The following TSNARE1 variants were observed in gnomAD, a reference collection of about 807,000 sequenced individuals.
TSNARE1 encodes t-SNARE domain-containing protein 1.
TSNARE1 carries 49 observed loss-of-function variants against 62.0 expected under a neutral mutation model. The ratio of observed to expected loss-of-function variants is 0.79; its 90% CI spans 0.63 to 1.00. TSNARE1 has a LOEUF of 1.00. Ranked by LOEUF, TSNARE1 falls within the 50% of genes least tolerant of loss-of-function variation. The pLI is 0.00. For missense variants in TSNARE1, 755 were observed against 700.1 expected (o/e 1.08, Z -0.88); for synonymous variants, 328 against 294.4 (o/e 1.11, Z -1.17).
intron 12 of TSNARE1, among the ~76,000 whole-genome samples, chr8:142,265,721 T>A (rs1244429570): frequency 1.3e-5 from 2 of 152,244 alleles, no homozygotes; most frequent in Non-Finnish European, 2.9e-5. Flanking sequence ...CAGCAGTGCA[T>A]GAGCGAGCCA....
chr8:142,304,275 C>G (rs1312783014), intron 9 of TSNARE1, among the ~76,000 whole-genome samples: 1 of 152,184 alleles, frequency 6.6e-6, no homozygotes, highest in Non-Finnish European at 1.5e-5. Flanking sequence ...CCCAGCAACC[C>G]CAACGCCTCC....
intron 12 of TSNARE1, chr8:142,269,749 A>G: frequency 3.0e-6 from 3 of 985,396 alleles, no homozygotes; most frequent in Non-Finnish European, 3.6e-6. Context: ...CCAGGGTGGA[A>G]CCATCAGAGT....
chr8:142,267,464 C>T (rs182375855), intron 12 of TSNARE1, among the ~76,000 whole-genome samples: 14 of 152,268 alleles, frequency 9.2e-5, no homozygotes, highest in Admixed American at 5.2e-4. Context: ...TGCAGCACTG[C>T]GTAGGGAAAG....
intron 12 of TSNARE1, chr8:142,273,606 C>T: frequency 1.0e-6 from 1 of 985,354 alleles, no homozygotes; most frequent in Non-Finnish European, 1.2e-6. Context: ...AGGGACTGAC[C>T]CTTGGTGACC....
intron 9 of TSNARE1, 141 bp from the exon 10 acceptor site, chr8:142,300,785 G>A (rs1825606944): frequency 8.5e-6 from 7 of 825,086 alleles, no homozygotes; most frequent in Non-Finnish European, 1.2e-5. Context: ...TCTGAGGCGG[G>A]GGCCTTCTGC....
At chr8:142,220,029 A>G (rs1586752358) in intron 13 of TSNARE1, among the ~76,000 whole-genome samples, 1 of 152,186 alleles carries the variant, frequency 6.6e-6, no homozygotes, top group South Asian at 2.1e-4. Context: ...CCCGAGGGCC[A>G]TGTGGGAGCC....
At chr8:142,310,437 C>T (rs1827385676) in intron 9 of TSNARE1, among the ~76,000 whole-genome samples, 1 of 151,370 alleles carries the variant, frequency 6.6e-6, no homozygotes, top group Non-Finnish European at 1.5e-5. Context: ...GCAGCCACAT[C>T]AACTGTTTCC....
chr8:142,326,561 G>A (rs1295057371), intron 6 of TSNARE1, among the ~76,000 whole-genome samples: 1 of 146,690 alleles, frequency 6.8e-6, no homozygotes, highest in East Asian at 2.1e-4. Flanking sequence ...ACCAGCGAAG[G>A]GGAGGGCCCC....
intron 4 of TSNARE1, among the ~76,000 whole-genome samples, chr8:142,332,928 T>C (rs1265675140): frequency 4.6e-5 from 7 of 152,172 alleles, no homozygotes; most frequent in South Asian, 2.1e-4. Flanking sequence ...AGGGCTGGTG[T>C]CCAAGAGATA....
intron 1 of TSNARE1, among the ~76,000 whole-genome samples, chr8:142,383,822 G>A (rs985302750): frequency 4.6e-5 from 7 of 151,988 alleles, no homozygotes; most frequent in Non-Finnish European, 1.0e-4. Context: ...AAACAACAAG[G>A]AGAATGCCCC....
intron 4 of TSNARE1, 77 bp from the exon 5 acceptor site, chr8:142,331,908 G>A: frequency 7.0e-7 from 1 of 1,432,798 alleles, no homozygotes; most frequent in South Asian, 1.2e-5. Context: ...AACCGCTCTG[G>A]GCAGCCCCCA....
intron 4 of TSNARE1, among the ~76,000 whole-genome samples, chr8:142,340,140 C>T (rs548837934): frequency 1.6e-4 from 24 of 152,244 alleles, no homozygotes; most frequent in East Asian, 5.8e-4. Context: ...AAGGCTGGGG[C>T]GCAGGGGTGG....
At chr8:142,329,906 GA>G (rs1375560078) in intron 6 of TSNARE1, among the ~76,000 whole-genome samples, 1 of 152,272 alleles carries the variant, frequency 6.6e-6, no homozygotes, top group African/African-American at 2.4e-5. Flanking sequence ...GCTGGTGCGT[GA>G]GGCTGTGTGG....
intron 1 of TSNARE1, among the ~76,000 whole-genome samples, chr8:142,356,699 C>T (rs909715490): frequency 3.9e-5 from 6 of 152,186 alleles, no homozygotes; most frequent in African/African-American, 1.2e-4. Context: ...CTTTACTACA[C>T]GCGCAGATTC....
At chr8:142,318,669 G>C (rs1423696623) in intron 6 of TSNARE1, 35 bp from the exon 7 acceptor site, 7 of 1,609,368 alleles carry the variant, frequency 4.3e-6, no homozygotes, top group Non-Finnish European at 2.5e-6. Context: ...GCGAAGGCAG[G>C]GGAGGAAGGC....
At chr8:142,385,341 C>T (rs998477549) in intron 1 of TSNARE1, among the ~76,000 whole-genome samples, 3 of 152,172 alleles carry the variant, frequency 2.0e-5, no homozygotes, top group Admixed American at 2.0e-4. Flanking sequence ...TTCCCACCCA[C>T]CATTCTGAAA....
chr8:142,250,591 T>G (rs891427075), intron 12 of TSNARE1, among the ~76,000 whole-genome samples: 2 of 152,190 alleles, frequency 1.3e-5, no homozygotes, highest in Admixed American at 6.5e-5. Context: ...AGCGTTCTCA[T>G]CTGTCTTGTT....
intron 12 of TSNARE1, among the ~76,000 whole-genome samples, chr8:142,234,167 C>T (rs1447253698): frequency 2.0e-5 from 3 of 152,170 alleles, no homozygotes; most frequent in African/African-American, 7.2e-5. Flanking sequence ...TGACCACCAC[C>T]ATGGGTTCAG....
At chr8:142,364,306 C>T (rs1835380152) in intron 1 of TSNARE1, among the ~76,000 whole-genome samples, 1 of 152,244 alleles carries the variant, frequency 6.6e-6, no homozygotes, top group Non-Finnish European at 1.5e-5. Context: ...ACTCACCAAG[C>T]AGTGGTACTC....
Sources: allele counts gnomAD v4.1 joint callset (sites outside exome capture counted in the v4.1 genomes callset), GRCh38; gene constraint gnomAD v4.1.1; transcripts MANE v1.5; gene names NCBI Gene and HGNC (gene_info 2026-07-23, HGNC 2026-07-21).